Variants in CROCC2 observed in about 807,000 individuals in gnomAD.
CROCC2 encodes the protein ciliary rootlet coiled-coil, rootletin family member 2, also known as ciliary rootlet coiled-coil protein 2.
CROCC2 carries 163 observed loss-of-function variants against 177.6 expected under a neutral mutation model. The ratio of observed to expected loss-of-function variants is 0.92; its 90% CI spans 0.81 to 1.05. The LOEUF (loss-of-function observed/expected upper bound fraction) is 1.05. Ranked by LOEUF, CROCC2 falls within the 50% of genes least tolerant of loss-of-function variation. The probability of loss-of-function intolerance (pLI) is 0.00; values close to 1 mark genes in which losing one functional copy is unlikely to be tolerated. For synonymous variants in CROCC2, 904 were observed against 787.3 expected, an observed-to-expected ratio of 1.15 and a Z score of -2.48; for missense variants, 1,929 against 1,797.8, an observed-to-expected ratio of 1.07 and a Z score of -1.32.
In CROCC2 at chr2:240,918,829, G is replaced by A. The variant is rs574412858; in HGVS notation, c.182G>A (p.Arg61His). 11 of 636,320 alleles carry A rather than the reference G, an allele frequency of 1.7e-5. No homozygotes were observed. The highest frequency in any genetic ancestry group is 2.5e-5 in the Admixed American group (1 of 39,594). The allele number at this position is 636,320 out of a possible 1,614,324, so 39.4% of individuals were successfully genotyped here. The change falls in exon 2 of 32, where the codon CGC (arginine) becomes CAC (histidine). Residue 61 changes from arginine (R) to histidine (H), a missense_variant. By Grantham distance (29) the Arg-to-His change is conservative. This residue lies in a region of CROCC2 where 1,397 missense variants were observed against 1,239.9 expected (regional missense o/e 1.13). Transcript: ENST00000690015. The surrounding 1 kb of genome is among the most constrained non-coding windows in gnomAD (Gnocchi z 6.3). ...GCCTCGCCCACCCCCGTGCCCACCC[G>A]CATCCGTGAGATCGTGGCCGGCAGC... ...RQASPTPVPT[R>H]IREIVAGSLS...
In CROCC2 at chr2:240,917,235, G is replaced by A. The variant is rs1020797342; in HGVS notation, c.79-1491G>A. Among the ~76,000 whole-genome samples the A allele has an allele frequency of 3.3e-5, 5 of 151,914 alleles. No individual in the cohort carries two copies. The highest frequency in any genetic ancestry group is 2.1e-4 in the South Asian group (1 of 4,818). On this transcript the variant is annotated intron_variant, in intron 1 of 31. Coordinates refer to ENST00000690015, the MANE Select transcript of CROCC2 (RefSeq NM_001351305.2). This position sits in a 1 kb window ranked among gnomAD's most constrained non-coding sequence, Gnocchi z 4.9. ...CTGCCCTTTGCAGGGCAGCAGAGTC[G>A]GAATAGGGCCTCTCCAGGCGCCATG... is the stretch of plus-strand genomic sequence containing the variant.
chr2:240,943,338 C>T (rs1324792826), intron 14 of CROCC2, among the ~76,000 whole-genome samples: 1 of 152,106 alleles, frequency 6.6e-6, no homozygotes, highest in East Asian at 1.9e-4. Flanking sequence ...CTCAGGCTTA[C>T]CTCAAGGCAT....
At chr2:240,921,538 C>T (rs942969394) in intron 3 of CROCC2, among the ~76,000 whole-genome samples, 2 of 152,232 alleles carry the variant, frequency 1.3e-5, no homozygotes, top group African/African-American at 4.8e-5. Flanking sequence ...GATTAGTAAG[C>T]TGCGTGAGTC....
intron 30 of CROCC2, 21 bp from the exon 31 acceptor site, chr2:240,991,175 G>A: frequency 6.6e-7 from 1 of 1,523,254 alleles, no homozygotes; most frequent in Non-Finnish European, 8.8e-7. Context: ...CACCTGACCT[G>A]AGCCACTGTC....
chr2:240,923,041 G>A (rs965853888), intron 4 of CROCC2, among the ~76,000 whole-genome samples: 3 of 152,024 alleles, frequency 2.0e-5, no homozygotes, highest in Admixed American at 6.5e-5. Context: ...GCTGCATCAC[G>A]ATTGTACCCA....
At chr2:240,946,878 AAGC>A (rs919563058) in intron 15 of CROCC2, among the ~76,000 whole-genome samples, 16 of 152,252 alleles carry the variant, frequency 1.1e-4, no homozygotes, top group African/African-American at 3.9e-4. Flanking sequence ...CTGGAGCCAG[AAGC>A]AGGGTCAGCC....
At chr2:240,959,491 G>GT (rs1559605016) in intron 20 of CROCC2, 47 bp downstream of exon 20, 1 of 1,541,418 alleles carries the variant, frequency 6.5e-7, no homozygotes, top group Non-Finnish European at 8.8e-7. Flanking sequence ...GAGGACAGGA[G>GT]AAAGCAGGGC....
intron 27 of CROCC2, among the ~76,000 whole-genome samples, chr2:240,976,663 T>A (rs2059768741): frequency 9.4e-6 from 1 of 106,084 alleles, no homozygotes; most frequent in Non-Finnish European, 1.9e-5. Context: ...GGTAGGAGCC[T>A]CAGGAGCCCA....
chr2:240,959,011 T>C, intron 19 of CROCC2: 1 of 353,632 alleles, frequency 2.8e-6, no homozygotes, highest in Non-Finnish European at 5.2e-6. Flanking sequence ...CCTGTAGGGA[T>C]GGGCCCTGCC....
At chr2:240,963,229 T>C (rs2059654925) in intron 20 of CROCC2, 1 of 372,596 alleles carries the variant, frequency 2.7e-6, no homozygotes, top group Non-Finnish European at 4.9e-6. Flanking sequence ...TGCAGACACG[T>C]GTGCTGAGCC....
At chr2:240,961,588 A>T (rs377033202) in intron 20 of CROCC2, among the ~76,000 whole-genome samples, 1 of 29,316 alleles carries the variant, frequency 3.4e-5, no homozygotes, top group Non-Finnish European at 1.0e-4. Context: ...ACATACACTC[A>T]CACACACACA....
chr2:240,971,880 C>T (rs1387851997), intron 27 of CROCC2, among the ~76,000 whole-genome samples: 1 of 152,138 alleles, frequency 6.6e-6, no homozygotes, highest in East Asian at 1.9e-4. Flanking sequence ...TCCTACTCAG[C>T]TAATCTCAGG....
chr2:240,983,551 C>G, intron 28 of CROCC2: 2 of 1,273,742 alleles, frequency 1.6e-6, no homozygotes, highest in Non-Finnish European at 2.0e-6. Flanking sequence ...AGGGGGAGCT[C>G]GCGGCGCTGC....
chr2:240,975,703 GCATCCA>G (rs1488834161), intron 27 of CROCC2, among the ~76,000 whole-genome samples: 4 of 140,612 alleles, frequency 2.8e-5, no homozygotes, highest in African/African-American at 1.0e-4. Flanking sequence ...TCAGAATCCA[GCATCCA>G]ACCAGCCTGC....
At chr2:240,934,849 T>C in intron 12 of CROCC2, 67 bp from the exon 13 acceptor site, 3 of 1,418,596 alleles carry the variant, frequency 2.1e-6, no homozygotes, top group Non-Finnish European at 2.8e-6. Flanking sequence ...CTCACTCCTT[T>C]CCCAGCGGCA....
At chr2:240,962,013 CA>C (rs879944635) in intron 20 of CROCC2, among the ~76,000 whole-genome samples, 2,030 of 68,718 alleles carry the variant, frequency 0.03, 85 homozygotes, top group East Asian at 0.23. Flanking sequence ...TCATCACCCA[CA>C]CACACACACA....
intron 1 of CROCC2, among the ~76,000 whole-genome samples, chr2:240,906,981 G>GC (rs1274509221): frequency 5.9e-4 from 47 of 79,734 alleles, no homozygotes; most frequent in Non-Finnish European, 1.2e-3. Flanking sequence ...TGGAGAGAGA[G>GC]CCCGGGGCCG....
chr2:240,961,819 A>ACACACT (rs1559606266), intron 20 of CROCC2, among the ~76,000 whole-genome samples: 4 of 35,316 alleles, frequency 1.1e-4, no homozygotes, highest in African/African-American at 3.1e-4. Flanking sequence ...ACATACACTC[A>ACACACT]CACACACGCA....
rs12466789 is a variant in CROCC2 at position 240,966,362 on chromosome 2, A to G, written c.4099A>G (p.Ile1367Val). The change falls in exon 25 of 32, where the codon ATC (isoleucine) becomes GTC (valine). Residue 1367 changes from isoleucine (I) to valine (V), a missense_variant. Around this residue, in one of 3 missense-constraint regions of CROCC2, gnomAD observed 388 missense variants for 352.7 expected, o/e 1.10. Coordinates refer to ENST00000690015, the MANE Select transcript of CROCC2 (RefSeq NM_001351305.2). ...ELMDVATVQDILRDFVQKLRE... is the reference protein window; with the variant it reads ...ELMDVATVQDVLRDFVQKLRE... ...CATGGATGTGGCCACCGTGCAGGAC[A>G]TCCTGCGGGACTTTGTGCAGAAGCT... is the stretch of plus-strand genomic sequence containing the variant. 244,038 of 402,276 alleles carry G rather than the reference A, an allele frequency of 0.61. 75,346 individuals carry two copies. The highest frequency in any genetic ancestry group is 0.64 in the Non-Finnish European group (144,735 of 227,468). The allele number at this position is 402,276 out of a possible 1,614,324, so 24.9% of individuals were successfully genotyped here. A position where few individuals can be genotyped will look rare whatever the true frequency, so the allele number is the denominator to read the frequency against.
Sources: gnomAD v4.1 joint callset for allele counts (sites outside exome capture counted in the v4.1 genomes callset) on GRCh38, gnomAD v4.1.1 for gene constraint, gnomAD v4.1.1 regional missense constraint, Gnocchi (gnomAD v3.1) non-coding constraint, MANE v1.5 for transcripts, NCBI Gene and HGNC (gene_info 2026-07-23, HGNC 2026-07-21) for gene names.